The following MIB1 variants were observed in gnomAD, a reference collection of about 807,000 sequenced individuals.
MIB1 encodes E3 ubiquitin-protein ligase MIB1.
Under a neutral mutation model 124.5 loss-of-function variants are expected in MIB1, and 278 were observed. The observed-to-expected ratio is 2.23, with a 90% CI of 2.02 to 2.47. The LOEUF is 2.47. MIB1 is among the 30% of genes most tolerant of loss of function. The pLI is 0.00. For synonymous variants in MIB1, 446 were observed against 429.4 expected (o/e 1.04, Z -0.48); for missense variants, 957 against 1,254.4 (o/e 0.76, Z 3.58).
rs1386183152 is a variant in MIB1 at position 21,741,661 on chromosome 18, G to A, written c.78G>A (p.Trp26Ter). The stretch of plus-strand genomic sequence containing the variant: ...TAGTGCGCGGCCCGGACTGGAAGTG[G>A]GGGAAGCAGGACGGCGGCGAGGGCC... ...ARVVRGPDWK[W>*]GKQDGGEGHV... Residue 26 changes from tryptophan to a stop codon, truncating the protein, a stop_gained, in exon 1 of 21, where the codon TGG becomes TGA. Transcript: ENST00000261537. LOFTEE classifies it high-confidence loss of function. The surrounding 1 kb of genome is among the most constrained non-coding windows in gnomAD (Gnocchi z 5.4). The A allele has an allele frequency of 2.5e-6, 4 of 1,611,156 alleles. No homozygotes were observed. The highest frequency in any genetic ancestry group is 1.7e-4 in the Middle Eastern group (1 of 6,044).
At chr18:21,785,155 G>C (rs1380541419) in intron 6 of MIB1, among the ~76,000 whole-genome samples, 1 of 152,092 alleles carries the variant, frequency 6.6e-6, no homozygotes. Context: ...TGACTCGTGT[G>C]ACCCGGTGGA....
intron 1 of MIB1, among the ~76,000 whole-genome samples, chr18:21,716,106 T>C (rs755621115): frequency 6.6e-6 from 1 of 152,176 alleles, no homozygotes; most frequent in East Asian, 1.9e-4. Context: ...CTTAAGAGCT[T>C]TGAGGCAAAA....
chr18:21,786,054 C>T (rs976822947), intron 6 of MIB1, among the ~76,000 whole-genome samples: 3 of 150,614 alleles, frequency 2.0e-5, no homozygotes, highest in Non-Finnish European at 4.4e-5. Context: ...TGTCTTTGAC[C>T]TTTGAGAGTT....
intron 17 of MIB1, among the ~76,000 whole-genome samples, chr18:21,850,847 C>G (rs933363084): frequency 3.3e-5 from 5 of 152,120 alleles, no homozygotes; most frequent in African/African-American, 9.6e-5. Flanking sequence ...AAAAGAAGAA[C>G]AAAAATTTAA....
At chr18:21,822,140 T>G (rs956769645) in intron 12 of MIB1, among the ~76,000 whole-genome samples, 8 of 152,178 alleles carry the variant, frequency 5.3e-5, no homozygotes, top group Non-Finnish European at 1.2e-4. Flanking sequence ...GAAACTGTGT[T>G]AGGAATTCAA....
Position 21,843,162 on chromosome 18 carries a change from A to AC in MIB1, c.1996dup (p.Gln666ProfsTer10). 2 of 1,605,864 alleles carry AC rather than the reference A, an allele frequency of 1.2e-6. No homozygotes were observed. Among genetic ancestry groups the AC allele is most frequent in the Non-Finnish European group, 1.7e-6 (2 of 1,177,024 alleles). ...GCAAACCTGGATATCCAGAATGTGA[A>AC]CCAACAAACTGCCCTACACCTTGCT... On this transcript the variant is annotated frameshift_variant, in exon 14 of 21. Transcript: ENST00000261537. LOFTEE classifies it high-confidence loss of function.
intron 13 of MIB1, among the ~76,000 whole-genome samples, chr18:21,839,386 A>G (rs1416784452): frequency 6.6e-6 from 1 of 152,212 alleles, no homozygotes; most frequent in Non-Finnish European, 1.5e-5. Context: ...TTATGCCACT[A>G]TCATGTTGCC....
At chr18:21,796,394 G>T (rs1035191149) in intron 7 of MIB1, among the ~76,000 whole-genome samples, 1 of 151,952 alleles carries the variant, frequency 6.6e-6, no homozygotes, top group Non-Finnish European at 1.5e-5. Context: ...GGCCTGTCAG[G>T]GTGGGGGGCA....
chr18:21,861,074 A>G (rs1320755122), intron 20 of MIB1, among the ~76,000 whole-genome samples: 1 of 151,946 alleles, frequency 6.6e-6, no homozygotes, highest in Non-Finnish European at 1.5e-5. Context: ...TGAATGTATG[A>G]ATTTATTAGG....
intron 13 of MIB1, among the ~76,000 whole-genome samples, chr18:21,841,868 A>T (rs1046075217): frequency 6.6e-6 from 1 of 152,170 alleles, no homozygotes; most frequent in Non-Finnish European, 1.5e-5. Context: ...TGGTGCACCT[A>T]TGCAATGAAT....
chr18:21,755,774 T>G (rs2041025195), intron 1 of MIB1, among the ~76,000 whole-genome samples: 1 of 152,200 alleles, frequency 6.6e-6, no homozygotes, highest in African/African-American at 2.4e-5. Context: ...ATTTATTACT[T>G]TTTTAAAAGC....
intron 12 of MIB1, chr18:21,827,880 ATAT>A (rs954349419): frequency 1.3e-4 from 19 of 151,996 alleles, no homozygotes; most frequent in Non-Finnish European, 2.2e-4. Context: ...AAAATTTAAA[ATAT>A]TATGCTTTTA....
At chr18:21,763,077 T>C (rs2041116611) in intron 1 of MIB1, among the ~76,000 whole-genome samples, 1 of 151,960 alleles carries the variant, frequency 6.6e-6, no homozygotes, top group African/African-American at 2.4e-5. Context: ...TTTCTGTTTT[T>C]TTTTTTAAAT....
At chr18:21,712,556 A>G (rs7241299) in intron 1 of MIB1, among the ~76,000 whole-genome samples, 13,646 of 152,214 alleles carry the variant, frequency 0.09, 687 homozygotes, top group Middle Eastern at 0.15. Flanking sequence ...TCTGGGATCT[A>G]TGGGTGGCCT....
At chr18:21,780,339 T>C (rs140557002) in intron 6 of MIB1, among the ~76,000 whole-genome samples, 6 of 152,286 alleles carry the variant, frequency 3.9e-5, no homozygotes, top group African/African-American at 1.4e-4. Flanking sequence ...TTTTTCCCCG[T>C]ATCTAGCTGT....
chr18:21,818,333 T>G (rs1598625747), intron 11 of MIB1, among the ~76,000 whole-genome samples: 1 of 152,210 alleles, frequency 6.6e-6, no homozygotes, highest in East Asian at 1.9e-4. Context: ...CAGCCAAGTT[T>G]GAAAGCCACC....
intron 6 of MIB1, among the ~76,000 whole-genome samples, chr18:21,782,203 A>G (rs563085737): frequency 6.6e-6 from 1 of 151,786 alleles, no homozygotes; most frequent in East Asian, 1.9e-4. Flanking sequence ...GCTCACTGCA[A>G]CCTCTGCCTT....
chr18:21,833,431 T>A (rs1468424748), intron 12 of MIB1, among the ~76,000 whole-genome samples: 1 of 152,200 alleles, frequency 6.6e-6, no homozygotes, highest in Non-Finnish European at 1.5e-5. Flanking sequence ...TGGCAGTTGA[T>A]CAGTTTTCTT....
chr18:21,714,015 A>G (rs957427979), intron 1 of MIB1, among the ~76,000 whole-genome samples: 7 of 152,336 alleles, frequency 4.6e-5, no homozygotes, highest in African/African-American at 1.7e-4. Context: ...GCTTGTTTGC[A>G]GCTGTGGCCT....
Sources: allele counts gnomAD v4.1 joint callset (sites outside exome capture counted in the v4.1 genomes callset), GRCh38; gene constraint gnomAD v4.1.1; non-coding constraint Gnocchi (gnomAD v3.1); transcripts MANE v1.5; gene names NCBI Gene and HGNC (gene_info 2026-07-23, HGNC 2026-07-21).